CEP41: variants seen among roughly 807,000 people sequenced by gnomAD.
CEP41 encodes the protein centrosomal protein of 41 kDa.
In CEP41, 32 loss-of-function variants were observed where a neutral mutation model predicts 44.3. The observed-to-expected ratio is 0.72, with a 90% confidence interval of 0.54 to 0.97. The LOEUF (loss-of-function observed/expected upper bound fraction) is 0.97. Among genes scored for constraint, CEP41 ranks in the 50% least tolerant of loss-of-function variants. CEP41 has a pLI of 0.00. For missense variants in CEP41, 432 were observed against 455.2 expected (o/e 0.95, Z 0.46); for synonymous variants, 151 against 168.5 (o/e 0.90, Z 0.80).
chr7:130,440,769 G>GC, intron 1 of CEP41, 165 bp downstream of exon 1: 1 of 712,790 alleles, frequency 1.4e-6, no homozygotes, highest in Admixed American at 2.2e-5. Context: ...CTGCCCCGCG[G>GC]CCCCCAAGCC....
At chr7:130,408,138 T>G (rs1277183147) in intron 5 of CEP41, among the ~76,000 whole-genome samples, 2 of 152,230 alleles carry the variant, frequency 1.3e-5, no homozygotes, top group African/African-American at 2.4e-5. Flanking sequence ...TTTCACGTAT[T>G]TATGTCTCAT....
rs963233424 is a variant in CEP41 at position 130,394,666 on chromosome 7, G to A, written c.*4225C>T. The stretch of plus-strand genomic sequence containing the variant: ...ACACAAGGGGGACAGAAGATAACGA[G>A]CTTTCTGGGTCTCCAGAATGACAGA... On this transcript the variant is annotated 3_prime_UTR_variant, in exon 11 of 11. Coordinates refer to ENST00000223208, the MANE Select transcript of CEP41 (RefSeq NM_018718.3). 9 of 453,948 alleles carry A rather than the reference G, an allele frequency of 2.0e-5. No individual in the cohort carries two copies. Among genetic ancestry groups the A allele is most frequent in the Admixed American group, 1.4e-4 (6 of 42,554 alleles). 28.1% of individuals were successfully genotyped at this position (453,948 alleles called of 1,614,324 possible).
chr7:130,423,449 T>G (rs1462286179), intron 2 of CEP41, among the ~76,000 whole-genome samples: 3 of 152,072 alleles, frequency 2.0e-5, no homozygotes, highest in Admixed American at 2.0e-4. Flanking sequence ...AAGATGGTAA[T>G]CAAAACGATG....
At chr7:130,437,996 G>A (rs1363668245) in intron 1 of CEP41, among the ~76,000 whole-genome samples, 1 of 151,988 alleles carries the variant, frequency 6.6e-6, no homozygotes, top group African/African-American at 2.4e-5. Context: ...AGTAAACTGG[G>A]CATCTTTGTC....
At position 130,394,663 on chromosome 7, in the gene CEP41, C is replaced by A. The variant is rs552710808; in HGVS notation, c.*4228G>T. The A allele has an allele frequency of 2.2e-6, 1 of 454,034 alleles. No homozygotes were observed. The highest frequency in any genetic ancestry group is 1.6e-5 in the South Asian group (1 of 64,468). 28.1% of individuals were successfully genotyped at this position (454,034 alleles called of 1,614,324 possible). A position where few individuals can be genotyped will look rare whatever the true frequency, so the allele number is the denominator to read the frequency against. On this transcript the variant is annotated 3_prime_UTR_variant, in exon 11 of 11. Coordinates refer to ENST00000223208, the MANE Select transcript of CEP41 (RefSeq NM_018718.3). ...GATACACAAGGGGGACAGAAGATAA[C>A]GAGCTTTCTGGGTCTCCAGAATGAC...
intron 1 of CEP41, among the ~76,000 whole-genome samples, chr7:130,433,164 G>A (rs1018771518): frequency 1.3e-5 from 2 of 152,158 alleles, no homozygotes; most frequent in South Asian, 2.1e-4. Context: ...CATTGTTGAC[G>A]GCCCTGGTGG....
chr7:130,399,036 C>T lies in CEP41; in HGVS notation c.977G>A (p.Arg326Gln), dbSNP rs782387467. 5.2e-5 allele frequency: 84 copies of T among 1,613,836 alleles called. 1 individual carries two copies. The highest frequency in any genetic ancestry group is 3.2e-4 in the South Asian group (29 of 91,052). Residue 326 changes from arginine to glutamine, a missense_variant, in exon 11 of 11, where the codon CGA (arginine) becomes CAA (glutamine). Coordinates refer to ENST00000223208, the MANE Select transcript of CEP41 (RefSeq NM_018718.3). ...TCCGGAGGAGTTAGCTTGGTTCAGTCGGCCTGAAGGGAGCAAGAAAGAAGG... is the reference window on the plus strand; with the variant it reads ...TCCGGAGGAGTTAGCTTGGTTCAGTTGGCCTGAAGGGAGCAAGAAAGAAGG... ...EEQGPADHPS[R>Q]LNQANSSGRE...
chr7:130,438,473 T>C (rs75147084), intron 1 of CEP41, among the ~76,000 whole-genome samples: 15,106 of 152,054 alleles, frequency 0.099, 1,074 homozygotes, highest in African/African-American at 0.21. Flanking sequence ...GCTGGATAAT[T>C]GCTTGAGCCC....
At position 130,404,658 on chromosome 7, in the gene CEP41, T is replaced by C. The variant is rs1554417824; in HGVS notation, c.328A>G (p.Asn110Asp). 6.2e-7 allele frequency: 1 copy of C among 1,612,960 alleles called. No homozygotes were observed. The highest frequency in any genetic ancestry group is 2.2e-5 in the East Asian group (1 of 44,866). ...TGCTCACCTGGATTTCCTTTCCCAT[T>C]GGTCCTGGCAGTGGTTTCAGCATCA... ...DPDAETTART[N>D]GKGNPGEQSP... Residue 110 changes from asparagine to aspartate, a missense_variant, in exon 6 of 11, where the codon AAT becomes GAT. Coordinates refer to ENST00000223208, the MANE Select transcript of CEP41 (RefSeq NM_018718.3).
chr7:130,426,408 C>A (rs1206640272), intron 2 of CEP41, among the ~76,000 whole-genome samples: 1 of 150,852 alleles, frequency 6.6e-6, no homozygotes. Context: ...GGGAGCTGTC[C>A]TTCACAAATC....
chr7:130,393,918 G>T lies in CEP41; in HGVS notation c.*4973C>A. On this transcript the variant is annotated 3_prime_UTR_variant, in exon 11 of 11. Coordinates refer to ENST00000223208, the MANE Select transcript of CEP41 (RefSeq NM_018718.3). ...GTCCATTAACAGACAAAATAACCTC[G>T]GAAGCCCTGGAGCACCTGTCTTCAA... The T allele has an allele frequency of 2.2e-6, 1 of 453,974 alleles. No homozygotes were observed. The highest frequency in any genetic ancestry group is 1.6e-5 in the South Asian group (1 of 64,464). The allele number at this position is 453,974 out of a possible 1,614,324, so 28.1% of individuals were successfully genotyped here. A position where few individuals can be genotyped will look rare whatever the true frequency, so the allele number is the denominator to read the frequency against.
At chr7:130,436,562 T>C (rs1554426187) in intron 1 of CEP41, among the ~76,000 whole-genome samples, 1 of 151,676 alleles carries the variant, frequency 6.6e-6, no homozygotes, top group African/African-American at 2.4e-5. Flanking sequence ...TTCTATTTTC[T>C]AGTTTGATAC....
chr7:130,402,542 G>T, intron 7 of CEP41, 106 bp downstream of exon 7: 1 of 1,224,490 alleles, frequency 8.2e-7, no homozygotes. Flanking sequence ...GCTAACATAC[G>T]GTTTCCTCAA....
intron 2 of CEP41, chr7:130,421,888 A>C (rs1212570630): frequency 6.6e-7 from 1 of 1,518,720 alleles, no homozygotes; most frequent in African/African-American, 1.4e-5. Flanking sequence ...GTGCTTGAGA[A>C]TATACAAGAA....
chr7:130,431,573 A>G (rs553475334), intron 1 of CEP41, among the ~76,000 whole-genome samples: 1 of 152,276 alleles, frequency 6.6e-6, no homozygotes, highest in East Asian at 1.9e-4. Context: ...TCCAGGTTAA[A>G]AGAGTCAAGA....
chr7:130,438,011 G>T (rs1424701509), intron 1 of CEP41, among the ~76,000 whole-genome samples: 1 of 151,970 alleles, frequency 6.6e-6, no homozygotes, highest in African/African-American at 2.4e-5. Context: ...TTTGTCTCGG[G>T]CACAAACATA....
intron 2 of CEP41, chr7:130,419,956 C>A: frequency 1.1e-6 from 1 of 903,516 alleles, no homozygotes; most frequent in Non-Finnish European, 1.3e-6. Flanking sequence ...CACGTACACA[C>A]ACACACACAC....
At chr7:130,441,186 C>G, upstream of CEP41, 1 of 608,208 alleles carries the variant, frequency 1.6e-6, no homozygotes, top group Non-Finnish European at 3.1e-6. Context: ...CGCGGGACGC[C>G]GGCTAGCGAG....
At chr7:130,417,131 T>C (rs1797361578) in intron 2 of CEP41, 165 bp from the exon 3 acceptor site, 1 of 1,419,258 alleles carries the variant, frequency 7.0e-7, no homozygotes, top group South Asian at 1.4e-5. Context: ...TTTTGGATAA[T>C]ACAGCGTTAT....
Sources: gnomAD v4.1 joint callset for allele counts (sites outside exome capture counted in the v4.1 genomes callset) on GRCh38, gnomAD v4.1.1 for gene constraint, MANE v1.5 for transcripts, NCBI Gene and HGNC (gene_info 2026-07-23, HGNC 2026-07-21) for gene names.